GPATCH2: variants seen among roughly 807,000 people sequenced by gnomAD.
GPATCH2 encodes the protein G patch domain-containing protein 2.
In GPATCH2, 51 loss-of-function variants were observed where a neutral mutation model predicts 58.0. The ratio of observed to expected loss-of-function variants is 0.88; its 90% CI spans 0.70 to 1.11. The LOEUF (loss-of-function observed/expected upper bound fraction) is 1.11, where lower values mean the gene tolerates loss of function less well. Ranked by LOEUF, GPATCH2 falls within the 50% of genes most tolerant of loss-of-function variation. The pLI is 0.00. For synonymous variants in GPATCH2, 222 were observed against 218.5 expected (o/e 1.02, Z -0.14); for missense variants, 625 against 652.2 (o/e 0.96, Z 0.45).
At chr1:217,571,258 A>C (rs1434663397) in intron 5 of GPATCH2, among the ~76,000 whole-genome samples, 2 of 152,124 alleles carry the variant, frequency 1.3e-5, no homozygotes, top group Non-Finnish European at 2.9e-5. Flanking sequence ...TCTTTCTCTA[A>C]CTGTTCTAGA....
intron 9 of GPATCH2, among the ~76,000 whole-genome samples, chr1:217,444,471 T>C (rs553914865): frequency 2.7e-4 from 41 of 152,208 alleles, no homozygotes; most frequent in Non-Finnish European, 5.1e-4. Context: ...TGTTTTCAGG[T>C]GTTCGGTAGT....
Position 217,568,083 on chromosome 1 carries a change from C to G in GPATCH2, c.1098+42238G>C, listed in dbSNP as rs1180387774. Among the ~76,000 whole-genome samples, 8 of 152,292 alleles carry G rather than the reference C, an allele frequency of 5.3e-5. No homozygotes were observed. In the South Asian group the frequency reaches 1.5e-3, roughly 28 times the overall value. ...AGTGAGCCGAGATCGTGCCACTGCA[C>G]TCCAGCCTGGGCGATAGAGCAAGAC... is the stretch of plus-strand genomic sequence containing the variant. On this transcript the variant is annotated intron_variant, in intron 5 of 9. Transcript: ENST00000366935.
At chr1:217,605,185 C>T (rs1242554335) in intron 5 of GPATCH2, among the ~76,000 whole-genome samples, 1 of 152,108 alleles carries the variant, frequency 6.6e-6, no homozygotes, top group South Asian at 2.1e-4. Context: ...CTCATGTCAT[C>T]CTGGTTTTCT....
At position 217,439,971 on chromosome 1, in the gene GPATCH2, T is replaced by C. The variant is rs190055167; in HGVS notation, c.1367-8606A>G. Reference sequence around the variant, plus strand: ...GCTGGTACCATTCCTTCTGAAACTATTCCAAAGGATAGAAAAAGAGGGACT... The same window carrying C: ...GCTGGTACCATTCCTTCTGAAACTACTCCAAAGGATAGAAAAAGAGGGACT... On this transcript the variant is annotated intron_variant, in intron 9 of 9. Coordinates refer to ENST00000366935, the MANE Select transcript of GPATCH2 (RefSeq NM_018040.5). Among the ~76,000 whole-genome samples the C allele has an allele frequency of 4.7e-4, 71 of 152,346 alleles. No homozygotes were observed. The East Asian group carries it at 6.7e-3, about 14-fold the overall frequency.
chr1:217,562,566 TAG>T (rs1665980608), intron 5 of GPATCH2, among the ~76,000 whole-genome samples: 1 of 152,174 alleles, frequency 6.6e-6, no homozygotes, highest in Non-Finnish European at 1.5e-5. Context: ...ACAATGAACC[TAG>T]AGTGAAAAGA....
intron 5 of GPATCH2, among the ~76,000 whole-genome samples, chr1:217,603,406 CAA>C (rs1668203103): frequency 6.6e-6 from 1 of 152,000 alleles, no homozygotes; most frequent in Non-Finnish European, 1.5e-5. Context: ...ATTAAATGAA[CAA>C]ATATACTACT....
Position 217,475,213 on chromosome 1 carries a change from T to C in GPATCH2, c.1277+16467A>G, listed in dbSNP as rs1660915662. On this transcript the variant is annotated intron_variant, in intron 8 of 9. Coordinates refer to ENST00000366935, the MANE Select transcript of GPATCH2 (RefSeq NM_018040.5). ...CAGTACTTTGGGACTCCGAGGTGGGTGGATCATTTGAGGTCAGGAGTTTGA... is the reference window on the plus strand; with the variant it reads ...CAGTACTTTGGGACTCCGAGGTGGGCGGATCATTTGAGGTCAGGAGTTTGA... Among the ~76,000 whole-genome samples, 4 of 152,020 alleles carry C rather than the reference T, an allele frequency of 2.6e-5. 1 individual carries two copies. In the South Asian group the frequency reaches 8.3e-4, roughly 32 times the overall value.
At chr1:217,505,825 T>G (rs917427871) in intron 6 of GPATCH2, among the ~76,000 whole-genome samples, 6 of 152,084 alleles carry the variant, frequency 3.9e-5, no homozygotes, top group African/African-American at 4.8e-5. Context: ...ATTAATTTAT[T>G]TTTATTTATT....
chr1:217,610,217 A>T, intron 5 of GPATCH2, 104 bp downstream of exon 5: 1 of 1,566,412 alleles, frequency 6.4e-7, no homozygotes, highest in South Asian at 1.1e-5. Context: ...ATTATTTTTA[A>T]GTTTAACATT....
intron 5 of GPATCH2, among the ~76,000 whole-genome samples, chr1:217,577,896 C>T (rs994853681): frequency 7.9e-5 from 12 of 151,936 alleles, no homozygotes; most frequent in Non-Finnish European, 1.5e-4. Flanking sequence ...TGCAGGAATG[C>T]GCCACCACCC....
intron 5 of GPATCH2, among the ~76,000 whole-genome samples, chr1:217,518,544 A>G (rs550618026): frequency 1.4e-4 from 21 of 152,194 alleles, no homozygotes; most frequent in Non-Finnish European, 2.5e-4. Context: ...ATGCCATACT[A>G]TTCTTCCACA....
intron 5 of GPATCH2, among the ~76,000 whole-genome samples, chr1:217,553,944 T>C (rs996311912): frequency 2.6e-5 from 4 of 152,160 alleles, no homozygotes; most frequent in African/African-American, 7.2e-5. Flanking sequence ...ATCAGATACC[T>C]GCCTAAAATG....
chr1:217,507,317 A>G (rs558093391), intron 6 of GPATCH2, among the ~76,000 whole-genome samples: 3 of 152,316 alleles, frequency 2.0e-5, no homozygotes, highest in African/African-American at 7.2e-5. Context: ...TCCTCACTCA[A>G]TAACATGTTG....
chr1:217,524,279 C>T (rs1353705434), intron 5 of GPATCH2, among the ~76,000 whole-genome samples: 3 of 149,624 alleles, frequency 2.0e-5, no homozygotes, highest in South Asian at 2.1e-4. Flanking sequence ...CGGGCAGAGA[C>T]GCTCCTCACT....
chr1:217,490,858 T>A (rs977717766), intron 8 of GPATCH2, among the ~76,000 whole-genome samples: 7 of 152,222 alleles, frequency 4.6e-5, no homozygotes, highest in African/African-American at 1.7e-4. Flanking sequence ...TTTTTGATTG[T>A]CTAAATTAGG....
intron 8 of GPATCH2, among the ~76,000 whole-genome samples, chr1:217,454,467 T>C (rs1367800714): frequency 3.3e-5 from 5 of 150,834 alleles, no homozygotes; most frequent in Non-Finnish European, 7.4e-5. Context: ...TGGGCGCCTG[T>C]AGTCCCAGCT....
At chr1:217,525,433 T>C (rs1052977111) in intron 5 of GPATCH2, among the ~76,000 whole-genome samples, 1 of 152,212 alleles carries the variant, frequency 6.6e-6, no homozygotes, top group Non-Finnish European at 1.5e-5. Context: ...TCTTTAAAAG[T>C]AATGTTCAAC....
intron 5 of GPATCH2, among the ~76,000 whole-genome samples, chr1:217,571,703 C>CAAAAAAAAAAAAAAAAAAA (rs11463536): frequency 1.5e-4 from 11 of 73,790 alleles, no homozygotes; most frequent in African/African-American, 2.1e-4. Context: ...AAAACGAAAC[C>CAAAAAAAAAAAAAAAAAAA]AAAAAAAAAA....
chr1:217,601,758 T>C (rs561404427), intron 5 of GPATCH2, among the ~76,000 whole-genome samples: 2 of 152,270 alleles, frequency 1.3e-5, no homozygotes, highest in African/African-American at 4.8e-5. Flanking sequence ...CTTCATATCC[T>C]ATAATTCTCT....
Sources: allele counts gnomAD v4.1 joint callset (sites outside exome capture counted in the v4.1 genomes callset), GRCh38; gene constraint gnomAD v4.1.1; transcripts MANE v1.5; gene names NCBI Gene and HGNC (gene_info 2026-07-23, HGNC 2026-07-21).